The following KLHL5 variants were observed in gnomAD, a reference collection of about 807,000 sequenced individuals.
KLHL5 encodes the protein kelch like family member 5, also known as kelch-like protein 5.
A neutral mutation model predicts 77.7 loss-of-function variants in KLHL5; 48 were observed. The ratio of observed to expected loss-of-function variants is 0.62; its 90% CI spans 0.49 to 0.79. The LOEUF (loss-of-function observed/expected upper bound fraction) is 0.79, where lower values mean the gene tolerates loss of function less well. KLHL5 is among the 30% of genes least tolerant of loss of function. The pLI is 0.00. For synonymous variants in KLHL5, 260 were observed against 297.0 expected (o/e 0.88, Z 1.28); for missense variants, 723 against 859.7 (o/e 0.84, Z 1.99).
chr4:39,085,782 C>T (rs912930039), intron 4 of KLHL5, among the ~76,000 whole-genome samples: 1 of 151,864 alleles, frequency 6.6e-6, no homozygotes. Context: ...ACTTTTTTTT[C>T]CACCTTTGGT....
At chr4:39,098,289 G>A (rs992696466) in intron 6 of KLHL5, among the ~76,000 whole-genome samples, 5 of 151,686 alleles carry the variant, frequency 3.3e-5, no homozygotes, top group African/African-American at 1.2e-4. Flanking sequence ...TTGAGATAGA[G>A]TCTTGTTCTG....
intron 10 of KLHL5, chr4:39,115,641 G>A: frequency 7.4e-7 from 1 of 1,342,640 alleles, no homozygotes; most frequent in Admixed American, 3.6e-5. Flanking sequence ...TGGGAGGGGA[G>A]ACTGGAAAAT....
At chr4:39,045,994 T>G (rs933772643) in intron 1 of KLHL5, among the ~76,000 whole-genome samples, 3 of 151,680 alleles carry the variant, frequency 2.0e-5, no homozygotes, top group Non-Finnish European at 4.4e-5. Context: ...TTAATAACTC[T>G]TTTTGGTTAT....
At chr4:39,087,538 A>G (rs1412182655) in intron 5 of KLHL5, among the ~76,000 whole-genome samples, 2 of 152,220 alleles carry the variant, frequency 1.3e-5, no homozygotes, top group African/African-American at 2.4e-5. Flanking sequence ...CAGGATTATT[A>G]TAAGGATCAG....
Position 39,113,245 on chromosome 4 carries a change from G to A in KLHL5, c.1901+13G>A. 1 of 1,597,466 alleles carries A rather than the reference G, an allele frequency of 6.3e-7. No homozygotes were observed. The highest frequency in any genetic ancestry group is 8.6e-7 in the Non-Finnish European group (1 of 1,167,822). The stretch of plus-strand genomic sequence containing the variant: ...ACTGTGTGGAAAGGTAATTTCCTGG[G>A]AAGAAAAACTAGGAACAAAAAAGAT... On this transcript the variant is annotated intron_variant, in intron 9 of 10. Coordinates refer to ENST00000504108, the MANE Select transcript of KLHL5 (RefSeq NM_015990.5).
intron 10 of KLHL5, among the ~76,000 whole-genome samples, chr4:39,116,749 G>A (rs779433992): frequency 2.6e-5 from 4 of 152,166 alleles, no homozygotes; most frequent in Non-Finnish European, 5.9e-5. Flanking sequence ...TGAGACCAAA[G>A]TGGGAGGATC....
At chr4:39,059,576 A>G (rs1330793079), upstream of KLHL5, among the ~76,000 whole-genome samples, 1 of 152,046 alleles carries the variant, frequency 6.6e-6, no homozygotes, top group Non-Finnish European at 1.5e-5. Flanking sequence ...GTGAAACCCC[A>G]TCTCTACTAA....
chr4:39,073,406 T>C (rs1718680554), intron 1 of KLHL5, among the ~76,000 whole-genome samples: 2 of 152,210 alleles, frequency 1.3e-5, no homozygotes, highest in African/African-American at 4.8e-5. Context: ...AACTAATTTA[T>C]TTGTTTAATC....
chr4:39,090,938 A>T (rs1423132777), intron 5 of KLHL5, among the ~76,000 whole-genome samples: 1 of 151,008 alleles, frequency 6.6e-6, no homozygotes, highest in African/African-American at 2.4e-5. Context: ...GAGTAGCTGG[A>T]ACTACAGACA....
chr4:39,076,887 C>G (rs1469710460), intron 2 of KLHL5, among the ~76,000 whole-genome samples: 1 of 151,082 alleles, frequency 6.6e-6, no homozygotes, highest in Admixed American at 6.6e-5. Flanking sequence ...ACCAATAACC[C>G]AAAAGCAAAT....
intron 1 of KLHL5, among the ~76,000 whole-genome samples, chr4:39,064,692 C>T (rs1297734328): frequency 2.0e-5 from 3 of 151,742 alleles, no homozygotes; most frequent in African/African-American, 7.3e-5. Context: ...CTAATGATTA[C>T]TGAAATAAAA....
At chr4:39,092,457 A>AT (rs1720672825) in intron 5 of KLHL5, among the ~76,000 whole-genome samples, 9 of 152,206 alleles carry the variant, frequency 5.9e-5, no homozygotes, top group Admixed American at 5.9e-4. Context: ...TTTCACATTT[A>AT]TTTTTATTTA....
rs376487527 is a variant in KLHL5 at position 39,122,633 on chromosome 4, G to A, written c.*1567G>A. Among the ~76,000 whole-genome samples, 39 of 151,862 alleles carry A rather than the reference G, an allele frequency of 2.6e-4. No homozygotes were observed. The East Asian group carries it at 3.7e-3, about 14-fold the overall frequency. ...ATCCTGGCTAACACAGTGAAACCCC[G>A]TCTCTACTAAAAATAAAAAATAAAA... On this transcript the variant is annotated 3_prime_UTR_variant, in exon 11 of 11. Coordinates refer to ENST00000504108, the MANE Select transcript of KLHL5 (RefSeq NM_015990.5).
intron 6 of KLHL5, among the ~76,000 whole-genome samples, chr4:39,099,715 C>T (rs1422856188): frequency 6.6e-6 from 1 of 152,148 alleles, no homozygotes; most frequent in African/African-American, 2.4e-5. Context: ...CAATAGCAAC[C>T]CCCGACTACC....
chr4:39,124,945 A>C lies in KLHL5; in HGVS notation c.*3879A>C, dbSNP rs189134201. ...ATCTGGTAAGGAACTAATACCTAGA[A>C]TATATAAGGAACTCCGATGCTCGAC... is the stretch of plus-strand genomic sequence containing the variant. On this transcript the variant is annotated 3_prime_UTR_variant, in exon 11 of 11. Transcript: ENST00000504108. Among the ~76,000 whole-genome samples, 100 of 152,270 alleles carry C rather than the reference A, an allele frequency of 6.6e-4. No homozygotes were observed. Among genetic ancestry groups the C allele is most frequent in the African/African-American group, 2.3e-3 (95 of 41,552 alleles).
chr4:39,045,178 C>G (rs1716067652), intron 1 of KLHL5: 1 of 983,754 alleles, frequency 1.0e-6, no homozygotes, highest in Non-Finnish European at 1.2e-6. Context: ...GACTCTCACG[C>G]CCCGCTGCGG....
the KLHL5 span, among the ~76,000 whole-genome samples, chr4:39,136,001 AAC>A: frequency 9.4e-5 from 13 of 138,062 alleles, no homozygotes; most frequent in South Asian, 6.7e-4. Context: ...AATTCATTCT[AAC>A]ACGTGTGTGT....
intron 1 of KLHL5, among the ~76,000 whole-genome samples, chr4:39,055,516 AT>A (rs1317445028): frequency 6.6e-6 from 1 of 152,248 alleles, no homozygotes; most frequent in Non-Finnish European, 1.5e-5. Context: ...CCCCTATCAA[AT>A]ATATGGCATT....
chr4:39,088,159 A>G (rs561941936), intron 5 of KLHL5, among the ~76,000 whole-genome samples: 25 of 152,246 alleles, frequency 1.6e-4, no homozygotes, highest in Non-Finnish European at 3.4e-4. Context: ...TTTGAGAAGA[A>G]TCTGTGTAAT....
Sources: gnomAD v4.1 joint callset for allele counts (sites outside exome capture counted in the v4.1 genomes callset) on GRCh38, gnomAD v4.1.1 for gene constraint, MANE v1.5 for transcripts, NCBI Gene and HGNC (gene_info 2026-07-23, HGNC 2026-07-21) for gene names.